FKBP15: variants seen among roughly 807,000 people sequenced by gnomAD.
FKBP15 encodes the protein FK506-binding protein 15.
In FKBP15, 106 loss-of-function variants were observed where a neutral mutation model predicts 158.1. The ratio of observed to expected loss-of-function variants is 0.67; its 90% CI spans 0.57 to 0.79. The LOEUF (loss-of-function observed/expected upper bound fraction) is 0.79. FKBP15 is among the 30% of genes least tolerant of loss of function. The pLI is 0.00. For missense variants in FKBP15, 1,287 were observed against 1,479.1 expected (o/e 0.87, Z 2.13); for synonymous variants, 547 against 548.6 (o/e 1.00, Z 0.04).
intron 3 of FKBP15, chr9:113,206,875 C>G (rs1830898984): frequency 2.3e-6 from 1 of 434,366 alleles, no homozygotes; most frequent in African/African-American, 2.0e-5. Flanking sequence ...CGCCACCGCA[C>G]CCGGCCCAGC....
chr9:113,218,040 C>T (rs992052737), intron 1 of FKBP15, among the ~76,000 whole-genome samples: 2 of 151,942 alleles, frequency 1.3e-5, no homozygotes, highest in African/African-American at 2.4e-5. Context: ...TGCATTTAGT[C>T]GCCAAGGACC....
At chr9:113,213,341 A>G (rs1831052662) in intron 1 of FKBP15, among the ~76,000 whole-genome samples, 1 of 151,808 alleles carries the variant, frequency 6.6e-6, no homozygotes, top group African/African-American at 2.4e-5. Context: ...CCAAGGAGGC[A>G]GATGTTGCAG....
chr9:113,170,690 CAG>C, intron 24 of FKBP15, 61 bp from the exon 25 acceptor site: 1 of 1,331,532 alleles, frequency 7.5e-7, no homozygotes, highest in South Asian at 1.2e-5. Flanking sequence ...CATTAAATTC[CAG>C]AGAGGTGTAT....
chr9:113,213,810 C>A (rs372368394), intron 1 of FKBP15, among the ~76,000 whole-genome samples: 7 of 152,296 alleles, frequency 4.6e-5, no homozygotes, highest in Admixed American at 2.0e-4. Context: ...AATTCCTTTT[C>A]TTTATCACAC....
At chr9:113,196,017 C>T (rs1830672238) in intron 9 of FKBP15, among the ~76,000 whole-genome samples, 1 of 142,650 alleles carries the variant, frequency 7.0e-6, no homozygotes, top group Non-Finnish European at 1.6e-5. Context: ...CGTATACACA[C>T]AGACACACAC....
intron 14 of FKBP15, chr9:113,187,080 G>A (rs1830497918): frequency 6.6e-6 from 1 of 152,214 alleles, no homozygotes; most frequent in African/African-American, 2.4e-5. Context: ...AAAATTCTTA[G>A]TCTACAGCAT....
chr9:113,210,062 C>T (rs114817768), intron 2 of FKBP15, among the ~76,000 whole-genome samples: 1 of 152,170 alleles, frequency 6.6e-6, no homozygotes, highest in African/African-American at 2.4e-5. Context: ...CTGGACAGTG[C>T]CTACTTAGAG....
At chr9:113,172,681 A>G (rs1456359349) in intron 23 of FKBP15, among the ~76,000 whole-genome samples, 4 of 152,218 alleles carry the variant, frequency 2.6e-5, no homozygotes, top group Admixed American at 2.6e-4. Flanking sequence ...CAGGTAAAAA[A>G]TATAATGAAA....
chr9:113,187,581 C>G (rs1830506395), intron 14 of FKBP15: 2 of 558,802 alleles, frequency 3.6e-6, no homozygotes, highest in South Asian at 4.2e-5. Context: ...AGGGGCTCTA[C>G]TTGTTCTTGC....
Position 113,184,764 on chromosome 9 carries a change from C to T in FKBP15, c.1539G>A (p.Arg513=), listed in dbSNP as rs750748226. The change falls in exon 16 of 28, where the codon CGG becomes CGA. Residue 513 remains arginine, a synonymous_variant. Coordinates refer to ENST00000238256, the MANE Select transcript of FKBP15 (RefSeq NM_015258.2). This position sits in a 1 kb window ranked among gnomAD's most constrained non-coding sequence, Gnocchi z 4.5. ...CCATTCGAATTTCAGTGTTATGTTG[C>T]CGGGCTTCAGTCATGAGAAATGAAG... ...DMASFLMTEA[R]QHNTEIRMAV... The T allele has an allele frequency of 6.8e-6, 11 of 1,606,708 alleles. No individual in the cohort carries two copies. The East Asian group carries it at 2.5e-4, about 36-fold the overall frequency.
At chr9:113,218,010 TA>T (rs112001212) in intron 1 of FKBP15, among the ~76,000 whole-genome samples, 7 of 150,988 alleles carry the variant, frequency 4.6e-5, no homozygotes, top group East Asian at 1.9e-4. Context: ...TTAACTACAT[TA>T]AAAAAAAATG....
intron 19 of FKBP15, among the ~76,000 whole-genome samples, chr9:113,180,588 G>C (rs17762372): frequency 0.14 from 20,950 of 152,008 alleles, 1,881 homozygotes; most frequent in Non-Finnish European, 0.19. Context: ...AGAACTAACA[G>C]TTCAGAAAAA....
At position 113,184,697 on chromosome 9, in the gene FKBP15, T is replaced by C. The variant is rs1168046238; in HGVS notation, c.1606A>G (p.Lys536Glu). Residue 536 changes from lysine to glutamate, a missense_variant and splice_region_variant, in exon 16 of 28, where the codon AAG becomes GAG. Transcript: ENST00000238256. The surrounding 1 kb of genome is among the most constrained non-coding windows in gnomAD (Gnocchi z 4.5). Reference sequence around the variant, plus strand: ...CACCCCAACTCTGACTCAGTCACCTTAGTCATGAGATGATCCATTTTATCA... The same window carrying C: ...CACCCCAACTCTGACTCAGTCACCTCAGTCATGAGATGATCCATTTTATCA... ...VADKMDHLMT[K>E]VEELQKHSAG... is the part of the protein sequence containing the mutation. The C allele has an allele frequency of 6.3e-6, 10 of 1,598,718 alleles. No homozygotes were observed. The highest frequency in any genetic ancestry group is 8.5e-6 in the Non-Finnish European group (10 of 1,170,710).
Position 113,174,647 on chromosome 9 carries a change from C to T in FKBP15, c.2224-64G>A, listed in dbSNP as rs576554960. The T allele has an allele frequency of 1.3e-4, 195 of 1,502,610 alleles. No individual in the cohort carries two copies. In the East Asian group the frequency reaches 2.9e-3, roughly 22 times the overall value. The allele number at this position is 1,502,610 out of a possible 1,614,324, so 93.1% of individuals were successfully genotyped here. On this transcript the variant is annotated intron_variant, in intron 21 of 27. Transcript: ENST00000238256. ...AACAGAGAATAAAGAGGGATGATGG[C>T]GGTGGCAGTTAATTACCTTGTGGAA...
Position 113,169,214 on chromosome 9 carries a change from AG to A in FKBP15, c.3485+9del. The A allele has an allele frequency of 6.2e-7, 1 of 1,608,398 alleles. No individual in the cohort carries two copies. The highest frequency in any genetic ancestry group is 8.5e-7 in the Non-Finnish European group (1 of 1,176,826). On this transcript the variant is annotated intron_variant, in intron 26 of 27. Transcript: ENST00000238256. Reference sequence around the variant, plus strand: ...ACCCTGTCCCTGAAGCAGTGCTCAGAGGAACATACCTGGAACGCTGGGAATG... The same window carrying A: ...ACCCTGTCCCTGAAGCAGTGCTCAGAGAACATACCTGGAACGCTGGGAATG...
intron 27 of FKBP15, among the ~76,000 whole-genome samples, chr9:113,166,782 A>G (rs531286015): frequency 6.6e-6 from 1 of 152,196 alleles, no homozygotes; most frequent in East Asian, 1.9e-4. Context: ...TGGGGGTGAA[A>G]GGGACTGATG....
chr9:113,188,235 C>T (rs1015303751), intron 13 of FKBP15, among the ~76,000 whole-genome samples, 154 bp downstream of exon 13: 4 of 152,218 alleles, frequency 2.6e-5, no homozygotes, highest in African/African-American at 9.6e-5. Flanking sequence ...ATGAAAATGC[C>T]TTACCCAGGG....
intron 4 of FKBP15, among the ~76,000 whole-genome samples, chr9:113,203,725 C>T (rs1830837328): frequency 6.6e-6 from 1 of 152,070 alleles, no homozygotes; most frequent in Non-Finnish European, 1.5e-5. Flanking sequence ...CCAGGTTTCA[C>T]CATGTTGGCC....
Position 113,193,548 on chromosome 9 carries a change from C to A in FKBP15, c.1009G>T (p.Glu337Ter). ...TTAGATTTGGTACGAAGAGCTGGCTCCCTGAAAGCAAATAGACCATATTCC... is the reference window on the plus strand; with the variant it reads ...TTAGATTTGGTACGAAGAGCTGGCTACCTGAAAGCAAATAGACCATATTCC... Reference protein sequence around the residue: ...PPTSIPFKSGEPALRTKSNSL... With the variant: ...PPTSIPFKSG The change falls in exon 11 of 28, where the codon GAG becomes TAG. Residue 337 changes from glutamate (E) to a stop codon, truncating the protein, a stop_gained and splice_region_variant. Coordinates refer to ENST00000238256, the MANE Select transcript of FKBP15 (RefSeq NM_015258.2). LOFTEE classifies it high-confidence loss of function. 1 of 1,596,692 alleles carries A rather than the reference C, an allele frequency of 6.3e-7. No homozygotes were observed. Among genetic ancestry groups the A allele is most frequent in the Non-Finnish European group, 8.5e-7 (1 of 1,170,768 alleles).
Sources: allele counts gnomAD v4.1 joint callset (sites outside exome capture counted in the v4.1 genomes callset), GRCh38; gene constraint gnomAD v4.1.1; non-coding constraint Gnocchi (gnomAD v3.1); transcripts MANE v1.5; gene names NCBI Gene and HGNC (gene_info 2026-07-23, HGNC 2026-07-21).